WDFY3: variants seen among roughly 807,000 people sequenced by gnomAD.
WDFY3 encodes the protein WD repeat and FYVE domain containing 3.
In WDFY3, 66 loss-of-function variants were observed where a neutral mutation model predicts 409.6. The ratio of observed to expected loss-of-function variants is 0.16; its 90% CI spans 0.13 to 0.20. The LOEUF (loss-of-function observed/expected upper bound fraction) is 0.20. Ranked by LOEUF, WDFY3 falls within the 10% of genes least tolerant of loss-of-function variation. WDFY3 has a pLI of 1.00. For missense variants in WDFY3, 3,031 were observed against 4,298.1 expected (o/e 0.71, Z 8.24); for synonymous variants, 1,521 against 1,537.1 (o/e 0.99, Z 0.25).
At chr4:84,679,866 G>A (rs1333337902) in intron 64 of WDFY3, among the ~76,000 whole-genome samples, 1 of 143,640 alleles carries the variant, frequency 7.0e-6, no homozygotes, top group Non-Finnish European at 1.5e-5. Context: ...ACACACACAC[G>A]TACGTGTGTA....
chr4:84,913,509 A>T (rs1415261070), intron 2 of WDFY3, among the ~76,000 whole-genome samples: 2 of 152,224 alleles, frequency 1.3e-5, no homozygotes, highest in Non-Finnish European at 2.9e-5. Context: ...AGTACACACC[A>T]CATCAGAGGA....
intron 32 of WDFY3, among the ~76,000 whole-genome samples, chr4:84,759,511 G>A (rs1244300655): frequency 2.0e-5 from 3 of 151,018 alleles, no homozygotes; most frequent in African/African-American, 7.3e-5. Flanking sequence ...CCTTGAAGAG[G>A]TCCTTCACAT....
At chr4:84,823,945 G>A (rs181463190) in intron 10 of WDFY3, among the ~76,000 whole-genome samples, 60 of 152,182 alleles carry the variant, frequency 3.9e-4, no homozygotes, top group Admixed American at 2.4e-3. Context: ...AAATGAAAAC[G>A]TATGTCCACA....
intron 53 of WDFY3, among the ~76,000 whole-genome samples, chr4:84,706,777 C>G (rs1193197707): frequency 6.6e-6 from 1 of 151,936 alleles, no homozygotes; most frequent in East Asian, 1.9e-4. Context: ...CACTAAATTA[C>G]AAGAGAGGGA....
In WDFY3 at chr4:84,733,624, T is replaced by C. The variant is rs755496789; in HGVS notation, c.6994-15A>G. 1.9e-6 allele frequency: 3 copies of C among 1,589,870 alleles called. No individual in the cohort carries two copies. The highest frequency in any genetic ancestry group is 2.6e-6 in the Non-Finnish European group (3 of 1,167,762). On this transcript the variant is annotated splice_polypyrimidine_tract_variant and intron_variant, in intron 43 of 67. Transcript: ENST00000295888. ...TTCTGCTGACGCTGACAGGAAAGAG[T>C]CCAGGTCGGTTTTCAAGCAAAAGCA... is the stretch of plus-strand genomic sequence containing the variant.
chr4:84,914,722 C>T (rs1437018914), intron 2 of WDFY3, among the ~76,000 whole-genome samples: 3 of 152,028 alleles, frequency 2.0e-5, no homozygotes, highest in African/African-American at 7.2e-5. Flanking sequence ...AAATTGGAAC[C>T]CTCATGTATT....
chr4:84,808,542 G>C, intron 14 of WDFY3, 125 bp from the exon 15 acceptor site: 1 of 708,286 alleles, frequency 1.4e-6, no homozygotes, highest in Admixed American at 2.3e-5. Context: ...TCCATATTCA[G>C]CAGGAACAAG....
In WDFY3 at chr4:84,725,322, T is replaced by G. The variant is rs146503439; in HGVS notation, c.7273-728A>C. Among the ~76,000 whole-genome samples the G allele has an allele frequency of 3.3e-5, 5 of 152,316 alleles. 1 individual carries two copies. Among genetic ancestry groups the G allele is most frequent in the Admixed American group, 2.6e-4 (4 of 15,294 alleles). ...GAGTATTTGATATACTCATTCTTAA[T>G]GAACATACAGCAGTCCATTCTGAAG... On this transcript the variant is annotated intron_variant, in intron 45 of 67. Transcript: ENST00000295888.
chr4:84,880,561 A>C (rs972958144), intron 3 of WDFY3, among the ~76,000 whole-genome samples: 5 of 150,578 alleles, frequency 3.3e-5, no homozygotes, highest in East Asian at 1.9e-4. Context: ...ACATGCCCTA[A>C]GGAAACTCAC....
At chr4:84,784,858 GTATATATATATATATATA>G (rs71670882) in intron 24 of WDFY3, among the ~76,000 whole-genome samples, 1 of 88,994 alleles carries the variant, frequency 1.1e-5, no homozygotes, top group Non-Finnish European at 2.0e-5. Flanking sequence ...AAGTGTATAT[GTATATATATATATATATA>G]TATATATATA....
intron 2 of WDFY3, among the ~76,000 whole-genome samples, chr4:84,919,042 A>G (rs1374442604): frequency 6.6e-6 from 1 of 152,050 alleles, no homozygotes; most frequent in African/African-American, 2.4e-5. Flanking sequence ...ATAAATGCAC[A>G]AGATGAAACT....
intron 32 of WDFY3, among the ~76,000 whole-genome samples, chr4:84,763,017 T>C (rs769162579): frequency 1.6e-4 from 24 of 152,038 alleles, no homozygotes; most frequent in Non-Finnish European, 2.8e-4. Flanking sequence ...ATACATTAAA[T>C]AGGAAAATAG....
rs139140602 is a variant in WDFY3 at position 84,917,717 on chromosome 4, A to AAT, written c.-132+14551_-132+14552dup. On this transcript the variant is annotated intron_variant, in intron 2 of 67. Transcript: ENST00000295888. ...ATAATAAAAATCATTAGCAAATTTGAATATATATATATATAAATTGGGAAT... is the reference window on the plus strand; with the variant it reads ...ATAATAAAAATCATTAGCAAATTTGAATATATATATATATATAAATTGGGAAT... Among the ~76,000 whole-genome samples, 130 of 151,358 alleles carry AAT rather than the reference A, an allele frequency of 8.6e-4. 1 individual carries two copies. Among genetic ancestry groups the AAT allele is most frequent in the Admixed American group, 2.7e-3 (41 of 15,176 alleles).
intron 58 of WDFY3, among the ~76,000 whole-genome samples, chr4:84,693,577 A>G (rs763249944): frequency 7.9e-5 from 12 of 152,198 alleles, no homozygotes; most frequent in Non-Finnish European, 1.3e-4. Flanking sequence ...AATGTGCTAC[A>G]TCGTCATTCT....
At chr4:84,757,230 A>T (rs775956981) in intron 32 of WDFY3, 69 bp from the exon 33 acceptor site, 48 of 1,398,924 alleles carry the variant, frequency 3.4e-5, no homozygotes, top group Non-Finnish European at 4.7e-5. Context: ...TTAACAAAGA[A>T]GGAAGTAATT....
chr4:84,788,962 G>A (rs1425105717), intron 22 of WDFY3, among the ~76,000 whole-genome samples: 2 of 152,130 alleles, frequency 1.3e-5, no homozygotes, highest in Admixed American at 1.3e-4. Context: ...GGAGGTTGCG[G>A]TGAGCTGAGA....
chr4:84,906,512 T>C (rs1349006193), intron 2 of WDFY3, among the ~76,000 whole-genome samples: 1 of 152,172 alleles, frequency 6.6e-6, no homozygotes, highest in African/African-American at 2.4e-5. Flanking sequence ...AAGCATATTC[T>C]TAAAAAAATT....
Position 84,808,334 on chromosome 4 carries a change from C to A in WDFY3, c.2429G>T (p.Arg810Met), listed in dbSNP as rs1439569002. ...CTGACTTCTCTTATATGATCAGTAC[C>A]TTTTCCTGGACAAAGCTGGTGTACC... ...PWGTPALSRK[R>M]HAYHSVSTPP... Residue 810 changes from arginine to methionine, a missense_variant and splice_region_variant, in exon 15 of 68, where the codon AGG becomes ATG. By Grantham distance (91) the Arg-to-Met change is moderately conservative. Coordinates refer to ENST00000295888, the MANE Select transcript of WDFY3 (RefSeq NM_014991.6). 1.2e-6 allele frequency: 2 copies of A among 1,613,076 alleles called. No homozygotes were observed. The highest frequency in any genetic ancestry group is 1.7e-6 in the Non-Finnish European group (2 of 1,179,330).
chr4:84,857,313 CAAAT>C (rs1009907208), intron 4 of WDFY3, among the ~76,000 whole-genome samples: 8 of 152,106 alleles, frequency 5.3e-5, no homozygotes, highest in African/African-American at 1.7e-4. Context: ...ATTAAAAAAA[CAAAT>C]AGTCATGAGA....
Sources: gnomAD v4.1 joint callset for allele counts (sites outside exome capture counted in the v4.1 genomes callset) on GRCh38, gnomAD v4.1.1 for gene constraint, MANE v1.5 for transcripts, NCBI Gene and HGNC (gene_info 2026-07-23, HGNC 2026-07-21) for gene names.